Variants in RNF38 observed in about 807,000 individuals in gnomAD.
RNF38 encodes E3 ubiquitin-protein ligase RNF38.
RNF38 carries 15 observed loss-of-function variants against 67.2 expected under a neutral mutation model. The observed-to-expected ratio is 0.22, with a 90% CI of 0.15 to 0.34. The LOEUF (loss-of-function observed/expected upper bound fraction) is 0.34, where lower values mean the gene tolerates loss of function less well. RNF38 is among the 10% of genes least tolerant of loss of function. RNF38 has a pLI of 1.00. For synonymous variants in RNF38, 220 were observed against 218.8 expected, an observed-to-expected ratio of 1.01 and a Z score of -0.05; for missense variants, 524 against 639.9, an observed-to-expected ratio of 0.82 and a Z score of 1.95.
chr9:36,482,386 T>C (rs1840294333), intron 1 of RNF38, among the ~76,000 whole-genome samples: 1 of 89,586 alleles, frequency 1.1e-5, no homozygotes, highest in Non-Finnish European at 2.1e-5. Context: ...AGAGTCTCAC[T>C]CTGTTGCCCA....
intron 1 of RNF38, among the ~76,000 whole-genome samples, chr9:36,431,971 T>C (rs537255875): frequency 2.1e-4 from 32 of 152,244 alleles, no homozygotes; most frequent in African/African-American, 7.5e-4. Context: ...CTCAGGAAAT[T>C]CCTAGGGTTT....
At chr9:36,428,867 G>GC (rs1222517203) in intron 1 of RNF38, among the ~76,000 whole-genome samples, 1 of 152,066 alleles carries the variant, frequency 6.6e-6, no homozygotes, top group African/African-American at 2.4e-5. Flanking sequence ...AGCAAGCAAG[G>GC]CCCCTAGCTC....
In RNF38 at chr9:36,357,951, G is replaced by C. The variant is rs1477614729; in HGVS notation, c.571-9C>G. ...ACTGTTCCTTGATGGAGCTTTAAAG[G>C]AAAAAACAAATGAACAAACTTTAGC... On this transcript the variant is annotated splice_polypyrimidine_tract_variant and intron_variant, in intron 4 of 11. Transcript: ENST00000259605. 1.2e-6 allele frequency: 2 copies of C among 1,601,992 alleles called. No homozygotes were observed. The highest frequency in any genetic ancestry group is 1.7e-6 in the Non-Finnish European group (2 of 1,173,786).
At chr9:36,421,767 GGAGA>G (rs1838634018) in intron 2 of RNF38, among the ~76,000 whole-genome samples, 1 of 152,198 alleles carries the variant, frequency 6.6e-6, no homozygotes, top group Non-Finnish European at 1.5e-5. Flanking sequence ...AGTGGGGAAG[GGAGA>G]GAGAGTGAGT....
chr9:36,341,750 C>T (rs867113751), intron 11 of RNF38, among the ~76,000 whole-genome samples: 4 of 119,080 alleles, frequency 3.4e-5, no homozygotes, highest in East Asian at 2.4e-4. Context: ...ATGACTGTAC[C>T]GCTGCACTCC....
At chr9:36,354,696 C>A (rs1833967136) in intron 6 of RNF38, among the ~76,000 whole-genome samples, 1 of 152,218 alleles carries the variant, frequency 6.6e-6, no homozygotes, top group Non-Finnish European at 1.5e-5. Flanking sequence ...ATTGTCCACT[C>A]TTTGACTATT....
chr9:36,427,582 A>G (rs947390941), intron 1 of RNF38, among the ~76,000 whole-genome samples: 1 of 152,118 alleles, frequency 6.6e-6, no homozygotes, highest in Non-Finnish European at 1.5e-5. Context: ...ACACAGCAAA[A>G]AGGCACTCTC....
At chr9:36,373,564 T>C (rs982352915) in intron 3 of RNF38, among the ~76,000 whole-genome samples, 1 of 148,410 alleles carries the variant, frequency 6.7e-6, no homozygotes, top group African/African-American at 2.5e-5. Flanking sequence ...TTCACCTAGG[T>C]GGTGGGTGTA....
chr9:36,357,749 T>A (rs1432932429), intron 5 of RNF38, 26 bp downstream of exon 5: 2 of 1,602,938 alleles, frequency 1.2e-6, no homozygotes, highest in Non-Finnish European at 1.7e-6. Context: ...TAGTAATATC[T>A]AATGAGAACA....
At position 36,352,863 on chromosome 9, in the gene RNF38, A is replaced by C; in HGVS notation, c.1072-15T>G. ...GGAGGATAAGGCTGCAAGGGGAAAA[A>C]TGTTAAGATTTAGAATCACTCTACG... is the stretch of plus-strand genomic sequence containing the variant. On this transcript the variant is annotated splice_polypyrimidine_tract_variant and intron_variant, in intron 7 of 11. Transcript: ENST00000259605. The C allele has an allele frequency of 6.4e-7, 1 of 1,558,726 alleles. No homozygotes were observed. Among genetic ancestry groups the C allele is most frequent in the Non-Finnish European group, 8.9e-7 (1 of 1,129,940 alleles).
intron 4 of RNF38, among the ~76,000 whole-genome samples, chr9:36,366,657 T>C (rs1834991193): frequency 6.6e-6 from 1 of 152,236 alleles, no homozygotes; most frequent in Non-Finnish European, 1.5e-5. Context: ...TCTTTTCTGC[T>C]GGCTTGGCCT....
chr9:36,368,384 C>T (rs1307528930), intron 4 of RNF38, among the ~76,000 whole-genome samples: 4 of 152,096 alleles, frequency 2.6e-5, no homozygotes, highest in African/African-American at 9.7e-5. Context: ...TAACCACCAC[C>T]CCTCCTTCAC....
At chr9:36,485,311 T>TAC (rs139781648) in intron 1 of RNF38, among the ~76,000 whole-genome samples, 9 of 151,968 alleles carry the variant, frequency 5.9e-5, no homozygotes, top group South Asian at 2.1e-4. Flanking sequence ...AGGGTATATA[T>TAC]ACACACACAC....
chr9:36,365,761 G>C (rs1181647826), intron 4 of RNF38, among the ~76,000 whole-genome samples: 1 of 145,668 alleles, frequency 6.9e-6, no homozygotes, highest in African/African-American at 2.5e-5. Context: ...CGCCTCCCGG[G>C]TTCAAGCAAT....
intron 1 of RNF38, among the ~76,000 whole-genome samples, chr9:36,471,070 A>T (rs1443981239): frequency 6.6e-6 from 1 of 152,126 alleles, no homozygotes; most frequent in Non-Finnish European, 1.5e-5. Context: ...AGCTTGACTC[A>T]GCCTAACACA....
chr9:36,393,667 G>A (rs1837308466), intron 1 of RNF38, among the ~76,000 whole-genome samples: 1 of 152,034 alleles, frequency 6.6e-6, no homozygotes, highest in South Asian at 2.1e-4. Context: ...TGACAAAGGA[G>A]GAAAGACGTT....
At chr9:36,444,315 G>A (rs575854528) in intron 1 of RNF38, among the ~76,000 whole-genome samples, 1 of 152,176 alleles carries the variant, frequency 6.6e-6, no homozygotes, top group Admixed American at 6.5e-5. Flanking sequence ...TTGCAGGTTG[G>A]GGGGAAGGGA....
chr9:36,417,499 A>G (rs1342414932), intron 2 of RNF38, among the ~76,000 whole-genome samples: 1 of 152,218 alleles, frequency 6.6e-6, no homozygotes, highest in Admixed American at 6.5e-5. Context: ...TCTATAAATT[A>G]ACAATACTTC....
At chr9:36,459,614 A>G (rs1250762018) in intron 1 of RNF38, among the ~76,000 whole-genome samples, 1 of 152,176 alleles carries the variant, frequency 6.6e-6, no homozygotes, top group Non-Finnish European at 1.5e-5. Flanking sequence ...GTGCAAGAGA[A>G]GAGTATGTGT....
Sources: gnomAD v4.1 joint callset for allele counts (sites outside exome capture counted in the v4.1 genomes callset) on GRCh38, gnomAD v4.1.1 for gene constraint, MANE v1.5 for transcripts, NCBI Gene and HGNC (gene_info 2026-07-23, HGNC 2026-07-21) for gene names.